FKBP5: variants seen among roughly 807,000 people sequenced by gnomAD.
FKBP5 encodes peptidyl-prolyl cis-trans isomerase FKBP5.
A neutral mutation model predicts 50.5 loss-of-function variants in FKBP5; 23 were observed. The observed-to-expected ratio is 0.46, with a 90% confidence interval of 0.33 to 0.65. FKBP5 has a LOEUF of 0.65. Ranked by LOEUF, FKBP5 falls within the 30% of genes least tolerant of loss-of-function variation. The pLI, the probability that FKBP5 is intolerant of heterozygous loss-of-function variation, is 0.02. For missense variants in FKBP5, 411 were observed against 553.1 expected, an observed-to-expected ratio of 0.74 and a Z score of 2.58; for synonymous variants, 176 against 190.6, an observed-to-expected ratio of 0.92 and a Z score of 0.63.
intron 2 of FKBP5, among the ~76,000 whole-genome samples, chr6:35,705,252 ATATATATTTTTTTTTTTTTT>A (rs1161055561): frequency 2.2e-4 from 1 of 4,624 alleles, no homozygotes; most frequent in Non-Finnish European, 2.7e-4. Context: ...ATATATATAT[ATATATATTTTTTTTTTTTTT>A]TTTTTTTTTT....
intron 2 of FKBP5, among the ~76,000 whole-genome samples, chr6:35,708,183 A>G (rs1238338667): frequency 1.3e-5 from 2 of 152,238 alleles, no homozygotes; most frequent in Non-Finnish European, 2.9e-5. Context: ...AGTTCCTTAC[A>G]GCATCATTTG....
At chr6:35,714,291 A>G in intron 2 of FKBP5, among the ~76,000 whole-genome samples, 1 of 139,014 alleles carries the variant, frequency 7.2e-6, no homozygotes, top group Non-Finnish European at 1.5e-5. Context: ...GTCTCTACTA[A>G]AAATACAAAA....
Position 35,606,944 on chromosome 6 carries a change from G to A in FKBP5, c.509-9540C>T, listed in dbSNP as rs370294081. Among the ~76,000 whole-genome samples, 8 of 152,072 alleles carry A rather than the reference G, an allele frequency of 5.3e-5. No homozygotes were observed. The East Asian group carries it at 9.6e-4, about 18-fold the overall frequency. ...ATGTTTACTGCAGCATTGTTTGTGT[G>A]TTTGTTTGTTTTTTGAGACAGAGTC... On this transcript the variant is annotated intron_variant, in intron 5 of 10. Coordinates refer to ENST00000357266, the MANE Select transcript of FKBP5 (RefSeq NM_004117.4).
At chr6:35,601,645 G>C (rs895146453) in intron 5 of FKBP5, among the ~76,000 whole-genome samples, 5 of 152,230 alleles carry the variant, frequency 3.3e-5, no homozygotes, top group African/African-American at 1.2e-4. Context: ...TTTTGACCTG[G>C]CATCTTTTAG....
chr6:35,613,703 C>G (rs1412797919), intron 5 of FKBP5, among the ~76,000 whole-genome samples: 1 of 152,122 alleles, frequency 6.6e-6, no homozygotes, highest in Non-Finnish European at 1.5e-5. Context: ...GGAGGAAAAA[C>G]CAGGACATTT....
intron 2 of FKBP5, among the ~76,000 whole-genome samples, chr6:35,715,332 G>A (rs1766492510): frequency 2.0e-5 from 3 of 152,096 alleles, no homozygotes; most frequent in Admixed American, 6.5e-5. Flanking sequence ...TCATCTCTCC[G>A]TGTATCATTT....
chr6:35,627,026 CTA>C (rs1363537057), intron 3 of FKBP5, among the ~76,000 whole-genome samples: 1 of 152,144 alleles, frequency 6.6e-6, no homozygotes, highest in Non-Finnish European at 1.5e-5. Context: ...CATGGTAACT[CTA>C]TTTTTAATTT....
chr6:35,612,871 G>A lies in FKBP5; in HGVS notation c.508+6225C>T, dbSNP rs183301291. On this transcript the variant is annotated intron_variant, in intron 5 of 10. Coordinates refer to ENST00000357266, the MANE Select transcript of FKBP5 (RefSeq NM_004117.4). ...GATTGTGGGAACTACAATTCAAGAC[G>A]AGATTTGGGTAGGCACACAGCCAAA... Among the ~76,000 whole-genome samples the A allele has an allele frequency of 4.8e-3, 728 of 152,326 alleles. 8 individuals carry two copies. Among genetic ancestry groups the A allele is most frequent in the African/African-American group, 0.016 (658 of 41,564 alleles).
chr6:35,580,309 G>T, intron 8 of FKBP5, 88 bp from the exon 9 acceptor site: 1 of 1,007,196 alleles, frequency 9.9e-7, no homozygotes, highest in Non-Finnish European at 1.5e-6. Flanking sequence ...AACCCCTCCA[G>T]CAAACCCTGG....
At chr6:35,650,348 T>C (rs1453136481) in intron 1 of FKBP5, among the ~76,000 whole-genome samples, 1 of 148,016 alleles carries the variant, frequency 6.8e-6, no homozygotes, top group Admixed American at 6.7e-5. Context: ...GTAAATGAAG[T>C]GTATTGTTAA....
chr6:35,616,671 T>G (rs1339320273), intron 5 of FKBP5, among the ~76,000 whole-genome samples: 1 of 152,198 alleles, frequency 6.6e-6, no homozygotes, highest in Non-Finnish European at 1.5e-5. Flanking sequence ...TAAAGTCATC[T>G]CCACAGCGGT....
chr6:35,685,733 G>C (rs1345757353), intron 1 of FKBP5, among the ~76,000 whole-genome samples: 1 of 152,154 alleles, frequency 6.6e-6, no homozygotes, highest in African/African-American at 2.4e-5. Flanking sequence ...TGTAATACCA[G>C]CACTTTGGGA....
At chr6:35,696,061 A>G (rs746191659) in intron 2 of FKBP5, among the ~76,000 whole-genome samples, 95 of 142,356 alleles carry the variant, frequency 6.7e-4, no homozygotes, top group Admixed American at 3.1e-3. Context: ...AGGAGAATGG[A>G]GTGAACCCAG....
At chr6:35,701,770 G>A (rs144827927) in intron 2 of FKBP5, among the ~76,000 whole-genome samples, 5,751 of 151,198 alleles carry the variant, frequency 0.038, 117 homozygotes, top group African/African-American at 0.063. Context: ...CGAACTCCTG[G>A]GCTCAAGCAC....
chr6:35,628,709 T>A (rs555077486), intron 3 of FKBP5, among the ~76,000 whole-genome samples: 25 of 152,330 alleles, frequency 1.6e-4, no homozygotes, highest in Middle Eastern at 6.8e-3. Flanking sequence ...TCCTCATATA[T>A]TTTAGGTTTT....
At chr6:35,582,111 G>T in intron 8 of FKBP5, 1 of 985,404 alleles carries the variant, frequency 1.0e-6, no homozygotes, top group Non-Finnish European at 1.2e-6. Flanking sequence ...GGGTGTGAAT[G>T]AGGGCCAGGC....
At chr6:35,605,242 T>TAC (rs1166595557) in intron 5 of FKBP5, among the ~76,000 whole-genome samples, 2 of 152,020 alleles carry the variant, frequency 1.3e-5, no homozygotes, top group African/African-American at 4.8e-5. Flanking sequence ...GATATATATA[T>TAC]ATACCTCTTT....
intron 2 of FKBP5, among the ~76,000 whole-genome samples, chr6:35,712,612 T>C (rs1766434504): frequency 6.6e-6 from 1 of 152,180 alleles, no homozygotes. Context: ...TCTACCATCC[T>C]GTCCTAGTTC....
intron 3 of FKBP5, among the ~76,000 whole-genome samples, chr6:35,622,769 C>A (rs1203066686): frequency 6.6e-6 from 1 of 152,158 alleles, no homozygotes; most frequent in Non-Finnish European, 1.5e-5. Flanking sequence ...GGAGGATGTA[C>A]ATTTTAGAGG....
Sources: allele counts gnomAD v4.1 joint callset (sites outside exome capture counted in the v4.1 genomes callset), GRCh38; gene constraint gnomAD v4.1.1; transcripts MANE v1.5; gene names NCBI Gene and HGNC (gene_info 2026-07-23, HGNC 2026-07-21).